The following RECQL variants were observed in gnomAD, a reference collection of about 807,000 sequenced individuals.
RECQL encodes RecQ like helicase, also known as ATP-dependent DNA helicase Q1.
A neutral mutation model predicts 75.8 loss-of-function variants in RECQL; 73 were observed. The ratio of observed to expected loss-of-function variants is 0.96; its 90% CI spans 0.80 to 1.17. The LOEUF (loss-of-function observed/expected upper bound fraction) is 1.17, where lower values mean the gene tolerates loss of function less well. RECQL is among the 50% of genes most tolerant of loss of function. RECQL has a pLI of 0.00. For synonymous variants in RECQL, 248 were observed against 254.4 expected, an observed-to-expected ratio of 0.97 and a Z score of 0.24; for missense variants, 699 against 772.1, an observed-to-expected ratio of 0.91 and a Z score of 1.12.
chr12:21,499,624 A>G lies in RECQL; in HGVS notation c.-45-9T>C. 1 of 1,468,164 alleles carries G rather than the reference A, an allele frequency of 6.8e-7. No homozygotes were observed. Among genetic ancestry groups the G allele is most frequent in the Non-Finnish European group, 9.4e-7 (1 of 1,062,008 alleles). 90.9% of individuals were successfully genotyped at this position (1,468,164 alleles called of 1,614,324 possible). A position where few individuals can be genotyped will look rare whatever the true frequency, so the allele number is the denominator to read the frequency against. ...ATAATCCAAATTTCTTTCTAAAAAT[A>G]AAAGCACAACAGTGACAACAAGTTT... On this transcript the variant is annotated splice_polypyrimidine_tract_variant and intron_variant, in intron 1 of 14. Coordinates refer to ENST00000444129, the MANE Select transcript of RECQL (RefSeq NM_002907.4).
At position 21,479,407 on chromosome 12, in the gene RECQL, C is replaced by T. The variant is rs142999279; in HGVS notation, c.701-1438G>A. 3.7e-3 allele frequency among the ~76,000 whole-genome samples: 525 copies of T among 142,936 alleles called. 2 individuals are homozygous for T. The highest frequency in any genetic ancestry group is 0.013 in the African/African-American group (510 of 38,028). 93.8% of individuals were successfully genotyped at this position (142,936 alleles called of 152,430 possible). Reference sequence around the variant, plus strand: ...TCACTCTGTCACCCAGGTTGGAGTGCAGTGACACGATCTTGGCTCACTGCA... The same window carrying T: ...TCACTCTGTCACCCAGGTTGGAGTGTAGTGACACGATCTTGGCTCACTGCA... On this transcript the variant is annotated intron_variant, in intron 6 of 14. Transcript: ENST00000444129.
chr12:21,472,307 G>C (rs1242731479), intron 12 of RECQL, among the ~76,000 whole-genome samples: 1 of 152,032 alleles, frequency 6.6e-6, no homozygotes, highest in Non-Finnish European at 1.5e-5. Context: ...ACTCAGCCCA[G>C]GAGGGTTCCC....
intron 4 of RECQL, among the ~76,000 whole-genome samples, 178 bp from the exon 5 acceptor site, chr12:21,486,763 C>T (rs772951785): frequency 2.0e-5 from 3 of 146,548 alleles, no homozygotes; most frequent in Non-Finnish European, 4.5e-5. Context: ...CTCTGCCTCC[C>T]GGGTTCAAGC....
At chr12:21,473,284 C>T (rs986134346) in intron 12 of RECQL, among the ~76,000 whole-genome samples, 16 of 152,032 alleles carry the variant, frequency 1.1e-4, no homozygotes, top group African/African-American at 3.1e-4. Context: ...ACTGTACTTA[C>T]TCTATGTTTA....
In RECQL at chr12:21,486,385, A is replaced by G. The variant is rs374972473; in HGVS notation, c.501+94T>C. On this transcript the variant is annotated intron_variant, in intron 5 of 14. Coordinates refer to ENST00000444129, the MANE Select transcript of RECQL (RefSeq NM_002907.4). ...TTGTAACTCCTGATATAAATAGTTA[A>G]CAGTTTATAATTTTATAAGCAACTC... is the stretch of plus-strand genomic sequence containing the variant. The G allele has an allele frequency of 9.0e-5, 125 of 1,395,640 alleles. No homozygotes were observed. In the African/African-American group the frequency reaches 1.6e-3, roughly 18 times the overall value. The allele number at this position is 1,395,640 out of a possible 1,614,324, so 86.5% of individuals were successfully genotyped here.
intron 2 of RECQL, among the ~76,000 whole-genome samples, chr12:21,498,867 C>A (rs1386525302): frequency 6.6e-6 from 1 of 152,166 alleles, no homozygotes; most frequent in African/African-American, 2.4e-5. Context: ...GATCACATGA[C>A]CAATTGAAAA....
intron 2 of RECQL, among the ~76,000 whole-genome samples, chr12:21,499,172 C>T (rs1482039955): frequency 6.6e-6 from 1 of 152,090 alleles, no homozygotes; most frequent in Non-Finnish European, 1.5e-5. Flanking sequence ...CACAAAAGGA[C>T]AAATGTTATA....
intron 11 of RECQL, among the ~76,000 whole-genome samples, chr12:21,474,125 T>G (rs1220334603): frequency 6.6e-6 from 1 of 151,988 alleles, no homozygotes; most frequent in African/African-American, 2.4e-5. Flanking sequence ...AGAATATTCT[T>G]GACAGTAAAA....
rs1031619091 is a variant in RECQL, at chr12:21,490,147, G to T, written c.394+52C>A. 2.8e-5 allele frequency: 28 copies of T among 991,354 alleles called. No individual in the cohort carries two copies. The Admixed American group carries it at 6.1e-4, about 22-fold the overall frequency. 61.4% of individuals were successfully genotyped at this position (991,354 alleles called of 1,614,324 possible). On this transcript the variant is annotated intron_variant, in intron 4 of 14. Coordinates refer to ENST00000444129, the MANE Select transcript of RECQL (RefSeq NM_002907.4). ...ATTATTTTTTAAAAGAATTAAAAAG[G>T]TATGATGACAAAGCACTTCTTCAAC...
At chr12:21,495,393 G>A (rs1048601663) in intron 2 of RECQL, among the ~76,000 whole-genome samples, 2 of 152,122 alleles carry the variant, frequency 1.3e-5, no homozygotes, top group Non-Finnish European at 2.9e-5. Context: ...TCAGGAGATC[G>A]AGACCATCCT....
At chr12:21,472,438 A>C (rs1942994918) in intron 12 of RECQL, among the ~76,000 whole-genome samples, 1 of 152,102 alleles carries the variant, frequency 6.6e-6, no homozygotes. Flanking sequence ...GCTACCCCAA[A>C]GGCAGAGTGG....
intron 3 of RECQL, among the ~76,000 whole-genome samples, chr12:21,490,696 T>G (rs1238894709): frequency 6.6e-6 from 1 of 151,984 alleles, no homozygotes; most frequent in African/African-American, 2.4e-5. Flanking sequence ...TAAAAAAATT[T>G]TTTTTAAAGT....
At chr12:21,480,101 T>C (rs759865233) in intron 6 of RECQL, among the ~76,000 whole-genome samples, 1 of 152,080 alleles carries the variant, frequency 6.6e-6, no homozygotes. Context: ...TGGTAAGTGC[T>C]CATAATGATA....
rs979492305 is a variant in RECQL at position 21,474,756 on chromosome 12, G to A, written c.1355+85C>T. The A allele has an allele frequency of 3.0e-6, 4 of 1,312,452 alleles. No individual in the cohort carries two copies. The Admixed American group carries it at 7.2e-5, about 23-fold the overall frequency. The allele number at this position is 1,312,452 out of a possible 1,614,324, so 81.3% of individuals were successfully genotyped here. A position where few individuals can be genotyped will look rare whatever the true frequency, so the allele number is the denominator to read the frequency against. On this transcript the variant is annotated intron_variant, in intron 11 of 14. Coordinates refer to ENST00000444129, the MANE Select transcript of RECQL (RefSeq NM_002907.4). The stretch of plus-strand genomic sequence containing the variant: ...ATCTGCACTTTGGTGTTCCACCAAT[G>A]TATTTAGTAAGAACTTAAAAACGAT...
At chr12:21,486,410 C>G in intron 5 of RECQL, 69 bp downstream of exon 5, 1 of 1,476,742 alleles carries the variant, frequency 6.8e-7, no homozygotes, top group Non-Finnish European at 9.0e-7. Context: ...ATAAGCAACT[C>G]AACTGCAGGT....
In RECQL at chr12:21,474,924, G is replaced by A. The variant is rs751707859; in HGVS notation, c.1272C>T (p.Phe424=). ...CCATCACCACCATTGAACTTATTCT[G>A]AATATATCTCCAAAGCCGTAGTACA... is the stretch of plus-strand genomic sequence containing the variant. ...CILYYGFGDI[F]RISSMVVMEN... is the part of the protein sequence containing the mutation. Residue 424 remains phenylalanine (F), a synonymous_variant, in exon 11 of 15, where the codon TTC becomes TTT. Transcript: ENST00000444129. 7 of 1,612,918 alleles carry A rather than the reference G, an allele frequency of 4.3e-6. No homozygotes were observed. The highest frequency in any genetic ancestry group is 5.1e-6 in the Non-Finnish European group (6 of 1,179,108).
chr12:21,471,381 A>C, intron 13 of RECQL, 47 bp downstream of exon 13: 1 of 1,542,018 alleles, frequency 6.5e-7, no homozygotes, highest in Non-Finnish European at 8.8e-7. Flanking sequence ...TTTTAAAAAA[A>C]AACCATAAAG....
In RECQL at chr12:21,469,927, G is replaced by A. The variant is rs1276466939; in HGVS notation, c.*267C>T. On this transcript the variant is annotated 3_prime_UTR_variant, in exon 15 of 15. Coordinates refer to ENST00000444129, the MANE Select transcript of RECQL (RefSeq NM_002907.4). ...AAGGCATAAAAAACTTAAGACGATT[G>A]TATGAACTTATTCTCAAATATTTTA... is the stretch of plus-strand genomic sequence containing the variant. The A allele has an allele frequency of 9.8e-5, 32 of 325,366 alleles. No individual in the cohort carries two copies. The highest frequency in any genetic ancestry group is 3.1e-4 in the African/African-American group (14 of 45,282). 20.2% of individuals were successfully genotyped at this position (325,366 alleles called of 1,614,324 possible).
chr12:21,490,864 A>C (rs528041932), intron 3 of RECQL, among the ~76,000 whole-genome samples: 1 of 152,278 alleles, frequency 6.6e-6, no homozygotes, highest in African/African-American at 2.4e-5. Context: ...AAAAACAAAA[A>C]AAAAGTAACA....
Sources: allele counts gnomAD v4.1 joint callset (sites outside exome capture counted in the v4.1 genomes callset), GRCh38; gene constraint gnomAD v4.1.1; transcripts MANE v1.5; gene names NCBI Gene and HGNC (gene_info 2026-07-23, HGNC 2026-07-21).